The following ZNF469 variants were observed in gnomAD, a reference collection of about 807,000 sequenced individuals.
ZNF469 encodes the protein zinc finger protein 469.
A neutral mutation model predicts 1.0 loss-of-function variants in ZNF469; 1 was observed. The observed-to-expected ratio is 1.00, with a 90% CI of 0.35 to 4.73. ZNF469 has a LOEUF of 4.73. Ranked by LOEUF, ZNF469 falls within the 30% of genes most tolerant of loss-of-function variation. ZNF469 has a pLI of 0.16. For synonymous variants in ZNF469, 2,703 were observed against 2,363.4 expected, an observed-to-expected ratio of 1.14 and a Z score of -4.17; for missense variants, 6,100 against 5,356.3, an observed-to-expected ratio of 1.14 and a Z score of -4.33.
At chr16:88,391,339 G>A (rs998740744) in intron 1 of ZNF469, among the ~76,000 whole-genome samples, 3 of 152,258 alleles carry the variant, frequency 2.0e-5, no homozygotes, top group African/African-American at 4.8e-5. Flanking sequence ...AAGGGACAGA[G>A]CCAGGACAGT....
the ZNF469 span, among the ~76,000 whole-genome samples, chr16:88,238,404 G>A: frequency 6.7e-6 from 1 of 150,312 alleles, no homozygotes; most frequent in African/African-American, 2.4e-5. Context: ...GTGGGACGCA[G>A]AGACCCTAGA....
the ZNF469 span, among the ~76,000 whole-genome samples, chr16:88,276,969 C>T: frequency 6.6e-5 from 10 of 152,284 alleles, no homozygotes; most frequent in East Asian, 3.9e-4. Flanking sequence ...TGCTGCGCCA[C>T]GCCAACACTC....
chr16:88,139,140 T>C, the ZNF469 span, among the ~76,000 whole-genome samples: 1 of 152,216 alleles, frequency 6.6e-6, no homozygotes, highest in African/African-American at 2.4e-5. Flanking sequence ...ATCCTGAGAA[T>C]TGTGATGAGC....
At chr16:88,157,383 C>G in the ZNF469 span, among the ~76,000 whole-genome samples, 1 of 152,222 alleles carries the variant, frequency 6.6e-6, no homozygotes, top group African/African-American at 2.4e-5. Flanking sequence ...CTCTCTCCTA[C>G]TCCAGGAATC....
the ZNF469 span, among the ~76,000 whole-genome samples, chr16:88,240,335 G>T: frequency 2.0e-5 from 3 of 152,316 alleles, no homozygotes; most frequent in African/African-American, 7.2e-5. Flanking sequence ...TGTGATGGGG[G>T]AAGAGAGAGA....
chr16:88,381,265 CACAG>C (rs1408135842), upstream of ZNF469, among the ~76,000 whole-genome samples: 23 of 151,290 alleles, frequency 1.5e-4, no homozygotes, highest in African/African-American at 5.3e-4. Flanking sequence ...CACGCACTCA[CACAG>C]ACATGCACTC....
the ZNF469 span, among the ~76,000 whole-genome samples, chr16:88,284,529 TGA>T: frequency 6.7e-6 from 1 of 149,326 alleles, no homozygotes; most frequent in Admixed American, 6.8e-5. Flanking sequence ...GAGGATCGCT[TGA>T]GCCCAGGAGG....
At chr16:88,356,573 C>T in the ZNF469 span, among the ~76,000 whole-genome samples, 3 of 152,244 alleles carry the variant, frequency 2.0e-5, no homozygotes, top group Admixed American at 6.5e-5. Flanking sequence ...TGTGGGCATA[C>T]ACCTATCATC....
the ZNF469 span, among the ~76,000 whole-genome samples, chr16:88,344,530 C>T: frequency 6.6e-6 from 1 of 152,226 alleles, no homozygotes; most frequent in South Asian, 2.1e-4. Context: ...TGAAAGTCCC[C>T]ATGGGCTTCT....
chr16:88,433,243 C>G lies in ZNF469; in HGVS notation c.5773C>G (p.Leu1925Val), dbSNP rs746531499. Residue 1925 changes from leucine (L) to valine (V), a missense_variant, in exon 3 of 3, where the codon CTG becomes GTG. Leu to Val is a conservative substitution (Grantham distance 32). Transcript: ENST00000565624. ...SKDGILGLQE[L>V]TPAAQSPPRV... The stretch of plus-strand genomic sequence containing the variant: ...AGATGGCATCCTGGGCTTGCAGGAG[C>G]TGACACCTGCTGCCCAGAGCCCTCC... The G allele has an allele frequency of 6.5e-7, 1 of 1,550,252 alleles. No individual in the cohort carries two copies. Among genetic ancestry groups the G allele is most frequent in the Non-Finnish European group, 8.7e-7 (1 of 1,146,924 alleles).
the ZNF469 span, among the ~76,000 whole-genome samples, chr16:88,129,435 T>A: frequency 2.7e-5 from 1 of 36,918 alleles, no homozygotes; most frequent in African/African-American, 4.2e-5. Flanking sequence ...GCACATACCG[T>A]TTTTTTTGCT....
At chr16:88,247,305 G>GTGAGTGAATGAGTGAGTGAATGGTGAA in the ZNF469 span, among the ~76,000 whole-genome samples, 3 of 149,012 alleles carry the variant, frequency 2.0e-5, no homozygotes, top group Non-Finnish European at 4.4e-5. Context: ...GAATGAGTGA[G>GTGAGTGAATGAGTGAGTGAATGGTGAA]TGAGTGAATG....
intron 1 of ZNF469, among the ~76,000 whole-genome samples, chr16:88,416,603 A>G (rs1460329142): frequency 1.3e-5 from 2 of 152,232 alleles, no homozygotes; most frequent in African/African-American, 4.8e-5. Context: ...TTCAGACGCC[A>G]CCACCATTAC....
At chr16:88,219,340 G>T in the ZNF469 span, among the ~76,000 whole-genome samples, 1 of 140,832 alleles carries the variant, frequency 7.1e-6, no homozygotes, top group Admixed American at 7.2e-5. Context: ...AACAAAGCTG[G>T]AGGCATCACA....
the ZNF469 span, among the ~76,000 whole-genome samples, chr16:88,137,111 T>C: frequency 6.6e-6 from 1 of 152,124 alleles, no homozygotes; most frequent in South Asian, 2.1e-4. Context: ...AAGTCATGTG[T>C]GCATACAGCC....
the ZNF469 span, among the ~76,000 whole-genome samples, chr16:88,277,320 ACG>A: frequency 1.4e-5 from 2 of 140,180 alleles, no homozygotes; most frequent in African/African-American, 5.4e-5. Context: ...ATATCAGTGC[ACG>A]GTTAGTGCTG....
chr16:88,227,522 ATCTCCCCATCTCCCCG>A, the ZNF469 span, among the ~76,000 whole-genome samples: 6 of 38,486 alleles, frequency 1.6e-4, no homozygotes, highest in African/African-American at 6.4e-4. Context: ...CCATCTCCCC[ATCTCCCCATCTCCCCG>A]TCTCCCCTTC....
the ZNF469 span, among the ~76,000 whole-genome samples, chr16:88,367,502 T>C: frequency 6.6e-6 from 1 of 152,302 alleles, no homozygotes; most frequent in South Asian, 2.1e-4. Flanking sequence ...ACCAGAACAT[T>C]TGCCATGATA....
At chr16:88,299,998 G>A in the ZNF469 span, among the ~76,000 whole-genome samples, 127 of 152,316 alleles carry the variant, frequency 8.3e-4, 5 homozygotes, top group South Asian at 1.7e-3. Flanking sequence ...CTGCTGTGAT[G>A]GAGGCAGCGC....
Sources: allele counts gnomAD v4.1 joint callset (sites outside exome capture counted in the v4.1 genomes callset), GRCh38; gene constraint gnomAD v4.1.1; transcripts MANE v1.5; gene names NCBI Gene and HGNC (gene_info 2026-07-23, HGNC 2026-07-21).